Variants in PLCH2 observed in about 807,000 individuals in gnomAD.
The protein encoded by PLCH2 is phospholipase C eta 2, also known as 1-phosphatidylinositol 4,5-bisphosphate phosphodiesterase eta-2.
In PLCH2, 98 loss-of-function variants were observed where a neutral mutation model predicts 134.7. The observed-to-expected ratio is 0.73, with a 90% CI of 0.62 to 0.86. PLCH2 has a LOEUF of 0.86. Ranked by LOEUF, PLCH2 falls within the 40% of genes least tolerant of loss-of-function variation. The pLI, the probability that PLCH2 is intolerant of heterozygous loss-of-function variation, is 0.00. For synonymous variants in PLCH2, 974 were observed against 827.5 expected (o/e 1.18, Z -3.04); for missense variants, 1,994 against 1,986.6 (o/e 1.00, Z -0.07).
intron 11 of PLCH2, among the ~76,000 whole-genome samples, chr1:2,494,145 G>T (rs1354585268): frequency 6.6e-6 from 1 of 152,170 alleles, no homozygotes; most frequent in Non-Finnish European, 1.5e-5. Context: ...AGCACAGCTG[G>T]GCCATGTTTT....
rs1643462759 is a variant in PLCH2 at position 2,504,972 on chromosome 1, G to A, written c.4010G>A (p.Arg1337His). ...GCAGGGGGCCCTGGTTTTGTGCGGC[G>A]CTCCTCCTCCCGCAGCCACAGCCGC... Reference protein sequence around the residue: ...GVAGGPGFVRRSSSRSHSRVR... With the variant: ...GVAGGPGFVRHSSSRSHSRVR... Residue 1337 changes from arginine to histidine, a missense_variant, in exon 22 of 22, where the codon CGC (arginine) becomes CAC (histidine). Arg to His is a conservative substitution (Grantham distance 29, BLOSUM62 0). Around this residue, in one of 2 missense-constraint regions of PLCH2, gnomAD observed 900 missense variants for 752.3 expected, o/e 1.20. Transcript: ENST00000378486. The A allele has an allele frequency of 1.2e-5, 19 of 1,551,612 alleles. No individual in the cohort carries two copies. Among genetic ancestry groups the A allele is most frequent in the East Asian group, 2.4e-5 (1 of 41,748 alleles).
upstream of PLCH2, among the ~76,000 whole-genome samples, chr1:2,466,937 A>G (rs2477693): frequency 0.46 from 70,571 of 152,006 alleles, 17,299 homozygotes; most frequent in East Asian, 0.59. Flanking sequence ...CTACTGCTGG[A>G]ACTCGGCCTC....
intron 2 of PLCH2, among the ~76,000 whole-genome samples, chr1:2,438,581 G>A (rs1639541878): frequency 6.6e-6 from 1 of 152,206 alleles, no homozygotes; most frequent in African/African-American, 2.4e-5. Flanking sequence ...ACAGGAAGGG[G>A]AGGGGGCTGG....
chr1:2,429,054 G>A (rs1252077512), intron 1 of PLCH2, among the ~76,000 whole-genome samples: 1 of 152,194 alleles, frequency 6.6e-6, no homozygotes, highest in Non-Finnish European at 1.5e-5. Context: ...GGAGGGGGTG[G>A]GTGAGGCTGG....
rs373266358 is a variant in PLCH2 at position 2,440,350 on chromosome 1, ATGGTGG to A, written c.115+9725_115+9730del. 3.9e-3 allele frequency among the ~76,000 whole-genome samples: 596 copies of A among 151,722 alleles called. 3 individuals are homozygous for A. Among genetic ancestry groups the A allele is most frequent in the African/African-American group, 0.013 (553 of 41,040 alleles). On this transcript the variant is annotated intron_variant, in intron 2 of 3. Coordinates refer to the PLCH2 transcript ENST00000609981. ...GGGTTGCCCCCAGGAGCACCCGGCC[ATGGTGG>A]TGGGTGCCTCCACACAGTCTGCCGT...
chr1:2,429,380 C>T (rs1277249314), intron 1 of PLCH2, among the ~76,000 whole-genome samples: 2 of 152,166 alleles, frequency 1.3e-5, no homozygotes, highest in East Asian at 3.9e-4. Context: ...TAATCCCCTC[C>T]CCAGGGAGGG....
chr1:2,503,776 CG>C, intron 21 of PLCH2, 145 bp from the exon 22 acceptor site: 1 of 614,900 alleles, frequency 1.6e-6, no homozygotes, highest in South Asian at 1.8e-5. Flanking sequence ...GGGGATGCCT[CG>C]GGGTGGGAGC....
rs189192753 is a variant in PLCH2 at position 2,505,304 on chromosome 1, A to G, written c.*91A>G. ...AGGAAACAGGGCAGCCAGGCCCCCA[A>G]AACTGTGTCCCCCTGGCTGCCCTGT... On this transcript the variant is annotated 3_prime_UTR_variant, in exon 22 of 22. Transcript: ENST00000378486. 20 of 989,340 alleles carry G rather than the reference A, an allele frequency of 2.0e-5. No individual in the cohort carries two copies. In the Admixed American group the frequency reaches 2.9e-4, roughly 14 times the overall value. The allele number at this position is 989,340 out of a possible 1,614,324, so 61.3% of individuals were successfully genotyped here. A position where few individuals can be genotyped will look rare whatever the true frequency, so the allele number is the denominator to read the frequency against.
At chr1:2,472,774 C>T (rs1462507954), upstream of PLCH2, among the ~76,000 whole-genome samples, 1 of 152,128 alleles carries the variant, frequency 6.6e-6, no homozygotes, top group Admixed American at 6.5e-5. Context: ...CACCTCTGGA[C>T]AGGCCTGGAA....
Position 2,496,855 on chromosome 1 carries a change from T to G in PLCH2, c.1961T>G (p.Phe654Cys), listed in dbSNP as rs1354581197. Residue 654 changes from phenylalanine to cysteine, a missense_variant, in exon 15 of 22, where the codon TTC (phenylalanine) becomes TGC (cysteine). Around this residue, in one of 2 missense-constraint regions of PLCH2, gnomAD observed 1,094 missense variants for 1,234.3 expected, o/e 0.89. Transcript: ENST00000378486. Reference protein sequence around the residue: ...EAASSWQVSSFSETKAHQILQ... With the variant: ...EAASSWQVSSCSETKAHQILQ... ...GCGTCCAGCTGGCAGGTGTCGTCCTTCAGCGAGACCAAGGCCCACCAGATT... is the reference window on the plus strand; with the variant it reads ...GCGTCCAGCTGGCAGGTGTCGTCCTGCAGCGAGACCAAGGCCCACCAGATT... 4 of 1,612,408 alleles carry G rather than the reference T, an allele frequency of 2.5e-6. No individual in the cohort carries two copies. The Admixed American group carries it at 5.0e-5, about 20-fold the overall frequency.
At chr1:2,499,551 C>T in intron 19 of PLCH2, 90 bp from the exon 20 acceptor site, 3 of 1,013,516 alleles carry the variant, frequency 3.0e-6, no homozygotes, top group Non-Finnish European at 4.5e-6. Flanking sequence ...TATCTGGGGT[C>T]TTGGGACCTT....
At chr1:2,451,296 G>A (rs1467866499) in intron 2 of PLCH2, among the ~76,000 whole-genome samples, 1 of 152,222 alleles carries the variant, frequency 6.6e-6, no homozygotes, top group Non-Finnish European at 1.5e-5. Flanking sequence ...GGCCAGAGAT[G>A]TGTGTGCCTC....
intron 10 of PLCH2, 79 bp downstream of exon 10, chr1:2,489,946 C>T (rs1642480073): frequency 1.0e-5 from 11 of 1,096,562 alleles, no homozygotes; most frequent in South Asian, 6.3e-5. Flanking sequence ...GCTGTTGGGG[C>T]GAGTTAGAAA....
chr1:2,477,295 C>G (rs1297614192), intron 1 of PLCH2, among the ~76,000 whole-genome samples: 1 of 152,180 alleles, frequency 6.6e-6, no homozygotes, highest in East Asian at 1.9e-4. Flanking sequence ...CACCCCTCTC[C>G]TAAATCCCTG....
At position 2,497,623 on chromosome 1, in the gene PLCH2, A is replaced by T; in HGVS notation, c.2224+14A>T. ...GCATGTGCCAGGGTGAGGCACTCGGACACTCAGGGCTCGGACGCTCAGGGC... is the reference window on the plus strand; with the variant it reads ...GCATGTGCCAGGGTGAGGCACTCGGTCACTCAGGGCTCGGACGCTCAGGGC... On this transcript the variant is annotated intron_variant, in intron 16 of 21. Transcript: ENST00000378486. 6.6e-7 allele frequency: 1 copy of T among 1,525,834 alleles called. No homozygotes were observed. The highest frequency in any genetic ancestry group is 8.9e-7 in the Non-Finnish European group (1 of 1,124,146). The allele number at this position is 1,525,834 out of a possible 1,614,324, so 94.5% of individuals were successfully genotyped here. A position where few individuals can be genotyped will look rare whatever the true frequency, so the allele number is the denominator to read the frequency against.
At chr1:2,434,460 A>G (rs1385590764) in intron 2 of PLCH2, among the ~76,000 whole-genome samples, 1 of 152,208 alleles carries the variant, frequency 6.6e-6, no homozygotes, top group East Asian at 1.9e-4. Context: ...CTGTATCCAG[A>G]ATGCAGTCTG....
intron 19 of PLCH2, 90 bp downstream of exon 19, chr1:2,499,320 T>C: frequency 5.6e-6 from 8 of 1,427,838 alleles, no homozygotes; most frequent in Non-Finnish European, 7.7e-6. Context: ...AGTGCCTGTG[T>C]AGGTGGGCCT....
upstream of PLCH2, among the ~76,000 whole-genome samples, chr1:2,471,306 A>C (rs1180498668): frequency 6.6e-6 from 1 of 152,200 alleles, no homozygotes; most frequent in Non-Finnish European, 1.5e-5. Context: ...ATAGCGGGCC[A>C]GCTGGAGAGT....
intron 2 of PLCH2, among the ~76,000 whole-genome samples, chr1:2,449,189 T>C (rs1640082813): frequency 7.8e-6 from 1 of 127,690 alleles, no homozygotes; most frequent in Non-Finnish European, 1.6e-5. Context: ...TAGAAATACA[T>C]GTTTTAAACT....
Sources: gnomAD v4.1 joint callset for allele counts (sites outside exome capture counted in the v4.1 genomes callset) on GRCh38, gnomAD v4.1.1 for gene constraint, gnomAD v4.1.1 regional missense constraint, MANE v1.5 for transcripts, NCBI Gene and HGNC (gene_info 2026-07-23, HGNC 2026-07-21) for gene names.